The following PROM1 variants were observed in gnomAD, a reference collection of about 807,000 sequenced individuals.
The protein encoded by PROM1 is prominin 1.
Under a neutral mutation model 116.9 loss-of-function variants are expected in PROM1, and 105 were observed. That is an observed-to-expected ratio of 0.90 (90% CI 0.77 to 1.06). The LOEUF (loss-of-function observed/expected upper bound fraction) is 1.06, where lower values mean the gene tolerates loss of function less well. PROM1 is among the 50% of genes least tolerant of loss of function. The pLI is 0.00. For missense variants in PROM1, 1,122 were observed against 1,045.2 expected (o/e 1.07, Z -1.01); for synonymous variants, 393 against 387.0 (o/e 1.02, Z -0.18).
chr4:16,041,773 A>AT (rs1735315257), intron 2 of PROM1, among the ~76,000 whole-genome samples: 10 of 38,872 alleles, frequency 2.6e-4, no homozygotes, highest in African/African-American at 6.9e-4. Context: ...TAAATAAATA[A>AT]ATAAATAAAT....
intron 23 of PROM1, among the ~76,000 whole-genome samples, chr4:15,983,700 G>A (rs919451001): frequency 2.6e-5 from 4 of 152,158 alleles, no homozygotes; most frequent in African/African-American, 4.8e-5. Flanking sequence ...GGAATGGGGA[G>A]GCTCAGCCAT....
chr4:16,065,928 C>T (rs1237650171), intron 2 of PROM1, among the ~76,000 whole-genome samples: 1 of 151,978 alleles, frequency 6.6e-6, no homozygotes, highest in African/African-American at 2.4e-5. Context: ...TGGGGTAGGC[C>T]CTAAATCCAG....
chr4:16,049,049 C>T (rs1453144563), intron 2 of PROM1, among the ~76,000 whole-genome samples: 1 of 152,200 alleles, frequency 6.6e-6, no homozygotes, highest in Admixed American at 6.5e-5. Flanking sequence ...CCCGACAGTG[C>T]GATGGGCCAT....
intron 26 of PROM1, among the ~76,000 whole-genome samples, chr4:15,972,113 A>C (rs1714709187): frequency 6.6e-6 from 1 of 152,122 alleles, no homozygotes; most frequent in Non-Finnish European, 1.5e-5. Context: ...GGGCACACTA[A>C]CAGGATCACT....
At position 16,023,409 on chromosome 4, in the gene PROM1, T is replaced by C. The variant is rs1165516516; in HGVS notation, c.701A>G (p.Asn234Ser). The C allele has an allele frequency of 2.5e-6, 4 of 1,597,054 alleles. No individual in the cohort carries two copies. Among genetic ancestry groups the C allele is most frequent in the Non-Finnish European group, 3.4e-6 (4 of 1,169,696 alleles). The stretch of plus-strand genomic sequence containing the variant: ...AAGAATTCCGCCTCCTAGCACTGAA[T>C]TGATACCTACATGCAAATAAGCACA... ...DKAFTDLNSI[N>S]SVLGGGILDR... is the part of the protein sequence containing the mutation. The change falls in exon 8 of 28, where the codon AAT (asparagine) becomes AGT (serine). Residue 234 changes from asparagine to serine, a missense_variant. Coordinates refer to ENST00000447510, the MANE Select transcript of PROM1 (RefSeq NM_006017.3).
Position 16,018,377 on chromosome 4 carries a change from G to A in PROM1, c.948C>T (p.Cys316=), listed in dbSNP as rs377673333. 6.2e-7 allele frequency: 1 copy of A among 1,613,780 alleles called. No homozygotes were observed. Among genetic ancestry groups the A allele is most frequent in the Non-Finnish European group, 8.5e-7 (1 of 1,179,892 alleles). ...LCLVHPSSET[C]NSIRLSLSQL... is the part of the protein sequence containing the mutation. ...GGCTTAGAGACAATCTGATGCTGTTGCAGGTTTCACTTGATGGATGCACCA... is the reference window on the plus strand; with the variant it reads ...GGCTTAGAGACAATCTGATGCTGTTACAGGTTTCACTTGATGGATGCACCA... The change falls in exon 9 of 28, where the codon TGC becomes TGT. Residue 316 remains cysteine (C), a synonymous_variant. Transcript: ENST00000447510.
At chr4:16,024,520 G>A (rs1483188297) in intron 6 of PROM1, among the ~76,000 whole-genome samples, 162 bp from the exon 7 acceptor site, 1 of 152,178 alleles carries the variant, frequency 6.6e-6, no homozygotes, top group African/African-American at 2.4e-5. Context: ...TGGAACCCAT[G>A]AGCATCACAC....
intron 23 of PROM1, among the ~76,000 whole-genome samples, chr4:15,982,060 T>C (rs1341875545): frequency 1.3e-5 from 2 of 152,230 alleles, no homozygotes; most frequent in Non-Finnish European, 2.9e-5. Flanking sequence ...ACACAATGTA[T>C]AGATGTCACG....
At chr4:15,999,846 AG>A (rs1414891552) in intron 14 of PROM1, among the ~76,000 whole-genome samples, 1 of 148,792 alleles carries the variant, frequency 6.7e-6, no homozygotes, top group Non-Finnish European at 1.5e-5. Context: ...CAGAATCTGG[AG>A]AAAAAAAAAA....
chr4:15,994,824 A>G (rs757199174), intron 15 of PROM1, among the ~76,000 whole-genome samples: 2 of 152,188 alleles, frequency 1.3e-5, no homozygotes, highest in Non-Finnish European at 2.9e-5. Context: ...GATGCCTGGA[A>G]GAAGCAACTT....
intron 17 of PROM1, 21 bp from the exon 18 acceptor site, chr4:15,991,314 A>T: frequency 6.4e-7 from 1 of 1,558,628 alleles, no homozygotes; most frequent in East Asian, 2.3e-5. Flanking sequence ...AGTGAAAAAA[A>T]TTGTCTTATG....
chr4:16,041,703 A>G (rs1735265723), intron 2 of PROM1, among the ~76,000 whole-genome samples: 3 of 151,644 alleles, frequency 2.0e-5, no homozygotes, highest in Non-Finnish European at 1.5e-5. Flanking sequence ...AGCCACAGTT[A>G]TGCCACTGCA....
At chr4:16,014,971 A>T (rs1370083020) in intron 10 of PROM1, among the ~76,000 whole-genome samples, 1 of 152,216 alleles carries the variant, frequency 6.6e-6, no homozygotes, top group Admixed American at 6.5e-5. Context: ...GAGGAAATTA[A>T]CAGAGAATAT....
In PROM1 at chr4:16,040,276, C is replaced by A. The variant is rs528487189; in HGVS notation, c.221-1275G>T. On this transcript the variant is annotated intron_variant, in intron 2 of 27. Coordinates refer to ENST00000447510, the MANE Select transcript of PROM1 (RefSeq NM_006017.3). ...ATGTTTAAAGATTATGCTGCAGGAA[C>A]AGAGATTTTCAAACTGATATGTACC... Among the ~76,000 whole-genome samples the A allele has an allele frequency of 5.3e-5, 3 of 56,612 alleles. No individual in the cohort carries two copies. In the South Asian group the frequency reaches 1.3e-3, roughly 25 times the overall value. The allele number at this position is 56,612 out of a possible 152,430, so 37.1% of individuals were successfully genotyped here.
chr4:16,002,208 G>A lies in PROM1; in HGVS notation c.1455-1589C>T, dbSNP rs72616194. On this transcript the variant is annotated intron_variant, in intron 13 of 27. Transcript: ENST00000447510. ...GTTGCAGGAAAGTGTGGGGGGTGTC[G>A]AAAAAGAAAAAAAACAGAAAGAGAA... is the stretch of plus-strand genomic sequence containing the variant. Among the ~76,000 whole-genome samples the A allele has an allele frequency of 3.1e-3, 468 of 151,140 alleles. 18 individuals carry two copies. In the East Asian group the frequency reaches 0.067, roughly 22 times the overall value.
At position 16,081,224 on chromosome 4, in the gene PROM1, T is replaced by C. The variant is rs113308261; in HGVS notation, c.-213+2754A>G. Among the ~76,000 whole-genome samples, 622 of 152,180 alleles carry C rather than the reference T, an allele frequency of 4.1e-3. 3 individuals carry two copies. The highest frequency in any genetic ancestry group is 0.038 in the East Asian group (198 of 5,172). ...GCTATCCCTCCCCACTCCCGCCACC[T>C]GACAACAGGCCCCGGTGTGTGATGT... is the stretch of plus-strand genomic sequence containing the variant. On this transcript the variant is annotated intron_variant, in intron 1 of 27. Coordinates refer to ENST00000447510, the MANE Select transcript of PROM1 (RefSeq NM_006017.3).
intron 10 of PROM1, among the ~76,000 whole-genome samples, chr4:16,013,964 A>G (rs1727614399): frequency 6.6e-6 from 1 of 152,212 alleles, no homozygotes; most frequent in Admixed American, 6.5e-5. Context: ...AAAATGTCCT[A>G]AAGCATGGCT....
chr4:16,052,038 T>C (rs1038537116), intron 2 of PROM1, among the ~76,000 whole-genome samples: 1 of 152,228 alleles, frequency 6.6e-6, no homozygotes, highest in Non-Finnish European at 1.5e-5. Context: ...TCTTTCAATC[T>C]AAACACAAAA....
chr4:15,980,009 C>T, intron 24 of PROM1, 105 bp from the exon 25 acceptor site: 1 of 713,972 alleles, frequency 1.4e-6, no homozygotes, highest in East Asian at 2.9e-5. Flanking sequence ...ACTGACAGTG[C>T]AAACTCAGGA....
Sources: allele counts gnomAD v4.1 joint callset (sites outside exome capture counted in the v4.1 genomes callset), GRCh38; gene constraint gnomAD v4.1.1; transcripts MANE v1.5; gene names NCBI Gene and HGNC (gene_info 2026-07-23, HGNC 2026-07-21).